Variants in IGFBP5 observed in about 807,000 individuals in gnomAD.
The protein encoded by IGFBP5 is insulin like growth factor binding protein 5, also known as insulin-like growth factor-binding protein 5.
In IGFBP5, 12 loss-of-function variants were observed where a neutral mutation model predicts 28.0. The observed-to-expected ratio is 0.43, with a 90% confidence interval of 0.27 to 0.69. The LOEUF (loss-of-function observed/expected upper bound fraction) is 0.69. IGFBP5 is among the 30% of genes least tolerant of loss of function. The probability of loss-of-function intolerance (pLI) is 0.20; values close to 1 mark genes in which losing one functional copy is unlikely to be tolerated. For synonymous variants in IGFBP5, 152 were observed against 150.2 expected, an observed-to-expected ratio of 1.01 and a Z score of -0.09; for missense variants, 344 against 381.6, an observed-to-expected ratio of 0.90 and a Z score of 0.82.
Position 216,694,799 on chromosome 2 carries a change from C to G in IGFBP5, c.-24G>C. The G allele has an allele frequency of 7.3e-7, 1 of 1,374,494 alleles. No homozygotes were observed. The allele number at this position is 1,374,494 out of a possible 1,614,324, so 85.1% of individuals were successfully genotyped here. A position where few individuals can be genotyped will look rare whatever the true frequency, so the allele number is the denominator to read the frequency against. On this transcript the variant is annotated 5_prime_UTR_variant, in exon 1 of 4. Transcript: ENST00000233813. The surrounding 1 kb of genome is among the most constrained non-coding windows in gnomAD (Gnocchi z 5.2). ...ATCTTCTCTTAGTCGCCCCCTTTACCTCGGGGTGGGGCAGGAGAGCGAGAG... is the reference window on the plus strand; with the variant it reads ...ATCTTCTCTTAGTCGCCCCCTTTACGTCGGGGTGGGGCAGGAGAGCGAGAG...
At chr2:216,683,289 G>C (rs1214274056) in intron 1 of IGFBP5, among the ~76,000 whole-genome samples, 2 of 152,174 alleles carry the variant, frequency 1.3e-5, no homozygotes, top group Non-Finnish European at 2.9e-5. Flanking sequence ...ATTGGAGGTT[G>C]AGGCTGAGGC....
intron 1 of IGFBP5, among the ~76,000 whole-genome samples, chr2:216,685,107 C>T (rs1263403399): frequency 6.6e-6 from 1 of 151,976 alleles, no homozygotes; most frequent in East Asian, 1.9e-4. Flanking sequence ...CATGGTAAAA[C>T]CCTGTCTCTA....
In IGFBP5 at chr2:216,679,992, C is replaced by T. The variant is rs1574578612; in HGVS notation, c.338-913G>A. Among the ~76,000 whole-genome samples, 3 of 152,054 alleles carry T rather than the reference C, an allele frequency of 2.0e-5. No individual in the cohort carries two copies. The highest frequency in any genetic ancestry group is 4.2e-4 in the South Asian group (2 of 4,792). On this transcript the variant is annotated intron_variant, in intron 1 of 3. Transcript: ENST00000233813. This position sits in a 1 kb window ranked among gnomAD's most constrained non-coding sequence, Gnocchi z 4.6. The stretch of plus-strand genomic sequence containing the variant: ...TTGTTGATCCTTAATTCCACCCGTC[C>T]GGCCTTTTCTTGGTGCGCAGTTTTC...
intron 1 of IGFBP5, among the ~76,000 whole-genome samples, chr2:216,683,613 A>G (rs1256722924): frequency 1.3e-5 from 2 of 152,140 alleles, no homozygotes. Context: ...CAACTGGAAA[A>G]TGATCCAGGA....
In IGFBP5 at chr2:216,674,239, G is replaced by A. The variant is rs1688868994; in HGVS notation, c.*2512C>T. On this transcript the variant is annotated 3_prime_UTR_variant, in exon 4 of 4. Coordinates refer to ENST00000233813, the MANE Select transcript of IGFBP5 (RefSeq NM_000599.4). This position sits in a 1 kb window ranked among gnomAD's most constrained non-coding sequence, Gnocchi z 4.4. ...AGGGAGAATGGGTGGAAAGAACAGT[G>A]ACGTGGAAGAGGTTTGGGATACTGG... 1 of 153,254 alleles carries A rather than the reference G, an allele frequency of 6.5e-6. No individual in the cohort carries two copies. The highest frequency in any genetic ancestry group is 2.4e-5 in the African/African-American group (1 of 41,456). The allele number at this position is 153,254 out of a possible 1,614,324, so 9.5% of individuals were successfully genotyped here.
intron 1 of IGFBP5, among the ~76,000 whole-genome samples, chr2:216,684,752 T>C (rs1181881866): frequency 1.3e-5 from 2 of 152,230 alleles, no homozygotes; most frequent in African/African-American, 4.8e-5. Flanking sequence ...GAGAGATGTG[T>C]AAATCTGCCC....
chr2:216,679,256 T>C lies in IGFBP5; in HGVS notation c.338-177A>G. ...AAGAACCAGGAAGCAGAGGGAATGCTCATTTAAGTGGCAGGAAGTTTCTGG... is the reference window on the plus strand; with the variant it reads ...AAGAACCAGGAAGCAGAGGGAATGCCCATTTAAGTGGCAGGAAGTTTCTGG... On this transcript the variant is annotated intron_variant, in intron 1 of 3. Transcript: ENST00000233813. The surrounding 1 kb of genome is among the most constrained non-coding windows in gnomAD (Gnocchi z 4.6). 1 of 641,220 alleles carries C rather than the reference T, an allele frequency of 1.6e-6. No individual in the cohort carries two copies. The highest frequency in any genetic ancestry group is 2.8e-6 in the Non-Finnish European group (1 of 352,180). The allele number at this position is 641,220 out of a possible 1,614,324, so 39.7% of individuals were successfully genotyped here. A position where few individuals can be genotyped will look rare whatever the true frequency, so the allele number is the denominator to read the frequency against.
rs1689142354 is a variant in IGFBP5 at position 216,694,433 on chromosome 2, G to T, written c.337+6C>A. The T allele has an allele frequency of 3.9e-6, 6 of 1,525,054 alleles. No individual in the cohort carries two copies. Among genetic ancestry groups the T allele is most frequent in the African/African-American group, 2.8e-5 (2 of 71,704 alleles). 94.5% of individuals were successfully genotyped at this position (1,525,054 alleles called of 1,614,324 possible). A position where few individuals can be genotyped will look rare whatever the true frequency, so the allele number is the denominator to read the frequency against. ...CGTAACTGACTGGCACACTGAGCGC[G>T]CTCACCGATCTTGACTTGCTCGCGG... On this transcript the variant is annotated splice_donor_region_variant and intron_variant, in intron 1 of 3. Transcript: ENST00000233813. The surrounding 1 kb of genome is among the most constrained non-coding windows in gnomAD (Gnocchi z 5.2).
intron 1 of IGFBP5, among the ~76,000 whole-genome samples, chr2:216,693,631 G>A (rs1174000076): frequency 2.6e-5 from 4 of 152,102 alleles, no homozygotes; most frequent in African/African-American, 9.7e-5. Context: ...ATTAGATTCA[G>A]AAACGAACAC....
chr2:216,694,393 C>A lies in IGFBP5; in HGVS notation c.337+46G>T. On this transcript the variant is annotated intron_variant, in intron 1 of 3. Transcript: ENST00000233813. This position sits in a 1 kb window ranked among gnomAD's most constrained non-coding sequence, Gnocchi z 5.2. ...CGCGGGCCCAGCCGGTCTCGTGTCC[C>A]CCGCCCGTGCGCCGCGTAACTGACT... 7.0e-7 allele frequency: 1 copy of A among 1,428,356 alleles called. No homozygotes were observed. Among genetic ancestry groups the A allele is most frequent in the Non-Finnish European group, 9.2e-7 (1 of 1,087,948 alleles). The allele number at this position is 1,428,356 out of a possible 1,614,324, so 88.5% of individuals were successfully genotyped here. A position where few individuals can be genotyped will look rare whatever the true frequency, so the allele number is the denominator to read the frequency against.
intron 1 of IGFBP5, among the ~76,000 whole-genome samples, chr2:216,683,425 A>T (rs544387604): frequency 2.6e-4 from 39 of 152,336 alleles, no homozygotes; most frequent in Admixed American, 2.3e-3. Context: ...CTACTTCTGC[A>T]ATAATCATTC....
rs1688874894 is a variant in IGFBP5 at position 216,674,731 on chromosome 2, C to A, written c.*2020G>T. The A allele has an allele frequency of 6.6e-6, 1 of 152,200 alleles. No individual in the cohort carries two copies. Among genetic ancestry groups the A allele is most frequent in the Non-Finnish European group, 1.5e-5 (1 of 68,062 alleles). 9.4% of individuals were successfully genotyped at this position (152,200 alleles called of 1,614,324 possible). ...TCGGAATCTGGCTGCCGAGTGACAG[C>A]ATCCCTGAATCATGCGTTCCCTGCT... On this transcript the variant is annotated 3_prime_UTR_variant, in exon 4 of 4. Coordinates refer to ENST00000233813, the MANE Select transcript of IGFBP5 (RefSeq NM_000599.4). The surrounding 1 kb of genome is among the most constrained non-coding windows in gnomAD (Gnocchi z 4.4).
chr2:216,685,412 T>C (rs1689023149), intron 1 of IGFBP5, among the ~76,000 whole-genome samples: 2 of 152,230 alleles, frequency 1.3e-5, no homozygotes, highest in African/African-American at 2.4e-5. Flanking sequence ...CATATGGACA[T>C]TGCAGACCTG....
chr2:216,680,009 G>A (rs568411091), intron 1 of IGFBP5, among the ~76,000 whole-genome samples: 3 of 152,212 alleles, frequency 2.0e-5, no homozygotes, highest in Admixed American at 6.5e-5. Flanking sequence ...TTCTTGGTGC[G>A]CAGTTTTCCC....
At chr2:216,693,130 G>A (rs1216117291) in intron 1 of IGFBP5, among the ~76,000 whole-genome samples, 1 of 150,850 alleles carries the variant, frequency 6.6e-6, no homozygotes, top group Non-Finnish European at 1.5e-5. Flanking sequence ...TTAGAACCCA[G>A]ACTTTTATGT....
At position 216,672,978 on chromosome 2, in the gene IGFBP5, C is replaced by T. The variant is rs917009434; in HGVS notation, c.*3773G>A. 4 of 152,728 alleles carry T rather than the reference C, an allele frequency of 2.6e-5. No individual in the cohort carries two copies. Among genetic ancestry groups the T allele is most frequent in the Admixed American group, 2.0e-4 (3 of 15,288 alleles). 9.5% of individuals were successfully genotyped at this position (152,728 alleles called of 1,614,324 possible). The stretch of plus-strand genomic sequence containing the variant: ...GAAACCCCTGTCCCTCGTCCCTCCT[C>T]CACTTTGCAAAACGGAGCCTCCTTT... On this transcript the variant is annotated 3_prime_UTR_variant, in exon 4 of 4. Coordinates refer to ENST00000233813, the MANE Select transcript of IGFBP5 (RefSeq NM_000599.4).
rs1172248180 is a variant in IGFBP5, at chr2:216,673,895, A to G, written c.*2856T>C. The G allele has an allele frequency of 6.6e-6, 1 of 152,542 alleles. No homozygotes were observed. Among genetic ancestry groups the G allele is most frequent in the East Asian group, 1.9e-4 (1 of 5,194 alleles). 9.4% of individuals were successfully genotyped at this position (152,542 alleles called of 1,614,324 possible). A position where few individuals can be genotyped will look rare whatever the true frequency, so the allele number is the denominator to read the frequency against. ...TTCTCTGGGGAGTGACCAGCTGCCC[A>G]GGAGAAACTCCTGCATGCAGAAGAG... On this transcript the variant is annotated 3_prime_UTR_variant, in exon 4 of 4. Transcript: ENST00000233813. The surrounding 1 kb of genome is among the most constrained non-coding windows in gnomAD (Gnocchi z 4.3).
rs184623727 is a variant in IGFBP5 at position 216,675,957 on chromosome 2, G to T, written c.*794C>A. 2.0e-5 allele frequency: 3 copies of T among 152,556 alleles called. No individual in the cohort carries two copies. Among genetic ancestry groups the T allele is most frequent in the Admixed American group, 2.0e-4 (3 of 15,296 alleles). 9.5% of individuals were successfully genotyped at this position (152,556 alleles called of 1,614,324 possible). ...TCTTTCCAATATTGGGGCATGTATT[G>T]ATTTCTAAAAAATGTCTGCCTGGGG... On this transcript the variant is annotated 3_prime_UTR_variant, in exon 4 of 4. Coordinates refer to ENST00000233813, the MANE Select transcript of IGFBP5 (RefSeq NM_000599.4).
chr2:216,680,689 G>A (rs1422311725), intron 1 of IGFBP5, among the ~76,000 whole-genome samples: 1 of 152,194 alleles, frequency 6.6e-6, no homozygotes, highest in African/African-American at 2.4e-5. Context: ...AAGGTTCGCA[G>A]CGTTCCTGGT....
Sources: gnomAD v4.1 joint callset for allele counts (sites outside exome capture counted in the v4.1 genomes callset) on GRCh38, gnomAD v4.1.1 for gene constraint, Gnocchi (gnomAD v3.1) non-coding constraint, MANE v1.5 for transcripts, NCBI Gene and HGNC (gene_info 2026-07-23, HGNC 2026-07-21) for gene names.